Variants in DAPK1 observed in about 807,000 individuals in gnomAD.
DAPK1 encodes the protein death associated protein kinase 1.
Under a neutral mutation model 144.9 loss-of-function variants are expected in DAPK1, and 56 were observed. That is an observed-to-expected ratio of 0.39 (90% CI 0.31 to 0.48). DAPK1 has a LOEUF of 0.48. DAPK1 is among the 20% of genes least tolerant of loss of function. The pLI, the probability that DAPK1 is intolerant of heterozygous loss-of-function variation, is 0.95. For missense variants in DAPK1, 1,454 were observed against 1,875.4 expected (o/e 0.78, Z 4.15); for synonymous variants, 690 against 749.0 (o/e 0.92, Z 1.29).
intron 17 of DAPK1, among the ~76,000 whole-genome samples, chr9:87,655,201 A>C (rs138711049): frequency 2.1e-3 from 325 of 152,302 alleles, no homozygotes; most frequent in African/African-American, 7.3e-3. Flanking sequence ...TTCAGAGCCC[A>C]TCTGGACAGA....
chr9:87,603,606 C>T (rs1293050135), intron 2 of DAPK1, among the ~76,000 whole-genome samples: 1 of 152,182 alleles, frequency 6.6e-6, no homozygotes, highest in Non-Finnish European at 1.5e-5. Flanking sequence ...TTCTCTCTGG[C>T]TTTTGTCTTC....
chr9:87,672,673 T>C (rs1029717485), intron 19 of DAPK1, among the ~76,000 whole-genome samples: 1 of 152,216 alleles, frequency 6.6e-6, no homozygotes, highest in Non-Finnish European at 1.5e-5. Flanking sequence ...TTAGCCATAA[T>C]GGGAGGAGTT....
At chr9:87,679,581 A>T (rs1824527497) in intron 19 of DAPK1, among the ~76,000 whole-genome samples, 1 of 152,182 alleles carries the variant, frequency 6.6e-6, no homozygotes, top group South Asian at 2.1e-4. Flanking sequence ...CTTACTTGGT[A>T]TTAGATGTGA....
rs779364783 is a variant in DAPK1, at chr9:87,700,183, G to A, written c.2817G>A (p.Lys939=). 1 of 1,608,036 alleles carries A rather than the reference G, an allele frequency of 6.2e-7. No homozygotes were observed. The highest frequency in any genetic ancestry group is 1.1e-5 in the South Asian group (1 of 90,986). Residue 939 remains lysine (K), a synonymous_variant, in exon 24 of 26, where the codon AAG becomes AAA. Transcript: ENST00000408954. ...FVLDAGASGS[K]DMKVLRNHLQ... ...TGGATGCTGGGGCTTCTGGGTCAAA[G>A]GACATGAAGGTACTTCGAAATCATC...
chr9:87,705,316 A>T (rs2118113537), intron 25 of DAPK1, among the ~76,000 whole-genome samples: 1 of 146,226 alleles, frequency 6.8e-6, no homozygotes, highest in East Asian at 2.0e-4. Context: ...ATCTCGGCTC[A>T]CTGCAGCCTC....
chr9:87,499,691 T>C (rs1824323323), intron 2 of DAPK1, among the ~76,000 whole-genome samples: 1 of 152,144 alleles, frequency 6.6e-6, no homozygotes. Context: ...GGTGGTTGCT[T>C]TGGTTTCATT....
chr9:87,499,374 C>A lies in DAPK1; in HGVS notation c.62+235C>A, dbSNP rs111392967. ...GATTATGATGCACAGTATATTGATC[C>A]AGTCCCCTGGACAAAATCAGATTTA... On this transcript the variant is annotated intron_variant, in intron 2 of 25. Transcript: ENST00000408954. 1.0e-3 allele frequency: 509 copies of A among 499,424 alleles called. 2 individuals carry two copies. Among genetic ancestry groups the A allele is most frequent in the African/African-American group, 6.0e-3 (320 of 53,180 alleles). The allele number at this position is 499,424 out of a possible 1,614,324, so 30.9% of individuals were successfully genotyped here. A position where few individuals can be genotyped will look rare whatever the true frequency, so the allele number is the denominator to read the frequency against.
chr9:87,649,608 C>T lies in DAPK1; in HGVS notation c.1429-313C>T, dbSNP rs139755440. On this transcript the variant is annotated intron_variant, in intron 15 of 25. Coordinates refer to ENST00000408954, the MANE Select transcript of DAPK1 (RefSeq NM_004938.4). The stretch of plus-strand genomic sequence containing the variant: ...GCTCTATTGTTCAGACAAGCAGGGC[C>T]GATGGTTTCAACGGGCTCCCGAAAG... Among the ~76,000 whole-genome samples the T allele has an allele frequency of 2.4e-4, 37 of 152,166 alleles. 2 individuals are homozygous for T. Among genetic ancestry groups the T allele is most frequent in the African/African-American group, 7.0e-4 (29 of 41,530 alleles).
intron 18 of DAPK1, among the ~76,000 whole-genome samples, chr9:87,665,478 C>G (rs1831018578): frequency 6.6e-6 from 1 of 152,214 alleles, no homozygotes; most frequent in African/African-American, 2.4e-5. Flanking sequence ...GTTTAAATGA[C>G]TGTGCACATT....
At chr9:87,657,722 G>T in intron 17 of DAPK1, 1 of 384,890 alleles carries the variant, frequency 2.6e-6, no homozygotes, top group South Asian at 2.4e-5. Flanking sequence ...GAACTATGGT[G>T]CAGATCTTGC....
intron 3 of DAPK1, among the ~76,000 whole-genome samples, chr9:87,634,431 G>C (rs1024334556): frequency 1.3e-5 from 2 of 152,140 alleles, no homozygotes; most frequent in African/African-American, 4.8e-5. Context: ...CAGTGGTTTG[G>C]CATCGTCGTA....
intron 2 of DAPK1, among the ~76,000 whole-genome samples, chr9:87,596,716 CT>C (rs1428811191): frequency 1.3e-5 from 2 of 152,242 alleles, no homozygotes; most frequent in Non-Finnish European, 2.9e-5. Flanking sequence ...CGAATCCTTC[CT>C]CTGCACAGCT....
At chr9:87,549,172 C>T (rs1325774952) in intron 2 of DAPK1, among the ~76,000 whole-genome samples, 2 of 152,052 alleles carry the variant, frequency 1.3e-5, no homozygotes, top group African/African-American at 2.4e-5. Flanking sequence ...CTCCCACTTA[C>T]AAGTGAGAAC....
At chr9:87,648,294 G>A (rs932538321) in intron 14 of DAPK1, among the ~76,000 whole-genome samples, 6 of 152,148 alleles carry the variant, frequency 3.9e-5, no homozygotes, top group Non-Finnish European at 8.8e-5. Flanking sequence ...TTATTGCATG[G>A]GCAAATAGTG....
In DAPK1 at chr9:87,706,973, A is replaced by C; in HGVS notation, c.3902A>C (p.His1301Pro). The C allele has an allele frequency of 6.2e-7, 1 of 1,613,398 alleles. No homozygotes were observed. Among genetic ancestry groups the C allele is most frequent in the Non-Finnish European group, 8.5e-7 (1 of 1,179,768 alleles). The part of the protein sequence containing the change: ...YSQASLGMDI[H>P]ASDLNLLTRR... ...CAGGCCAGCCTCGGCATGGACATCC[A>C]TGCATCAGACCTGAACCTCCTCACT... The change falls in exon 26 of 26, where the codon CAT becomes CCT. Residue 1301 changes from histidine (H) to proline (P), a missense_variant. Physicochemically the swap from His to Pro is moderately conservative, Grantham distance 77. Coordinates refer to ENST00000408954, the MANE Select transcript of DAPK1 (RefSeq NM_004938.4). This position sits in a 1 kb window ranked among gnomAD's most constrained non-coding sequence, Gnocchi z 9.0.
chr9:87,548,900 G>A (rs540552620), intron 2 of DAPK1, among the ~76,000 whole-genome samples: 3 of 135,798 alleles, frequency 2.2e-5, no homozygotes, highest in East Asian at 4.7e-4. Flanking sequence ...CACCCACTGA[G>A]TGGATTTCAT....
chr9:87,683,040 A>G (rs1342913301), intron 20 of DAPK1, among the ~76,000 whole-genome samples: 1 of 151,994 alleles, frequency 6.6e-6, no homozygotes, highest in Non-Finnish European at 1.5e-5. Flanking sequence ...ATGTGACAGA[A>G]GGTTAAGATT....
intron 24 of DAPK1, among the ~76,000 whole-genome samples, chr9:87,700,980 A>G (rs976638575): frequency 6.6e-6 from 1 of 152,214 alleles, no homozygotes; most frequent in African/African-American, 2.4e-5. Context: ...CCCTAGTTAT[A>G]TAAATGTAAT....
intron 2 of DAPK1, among the ~76,000 whole-genome samples, chr9:87,549,940 A>C (rs1263896616): frequency 6.6e-6 from 1 of 152,184 alleles, no homozygotes; most frequent in Non-Finnish European, 1.5e-5. Context: ...AGTAAGTTGC[A>C]GGTGTCTGTA....
Sources: allele counts gnomAD v4.1 joint callset (sites outside exome capture counted in the v4.1 genomes callset), GRCh38; gene constraint gnomAD v4.1.1; non-coding constraint Gnocchi (gnomAD v3.1); transcripts MANE v1.5; gene names NCBI Gene and HGNC (gene_info 2026-07-23, HGNC 2026-07-21).